LDB2: variants seen among roughly 807,000 people sequenced by gnomAD.
LDB2 encodes LIM domain binding 2.
LDB2 carries 12 observed loss-of-function variants against 44.3 expected under a neutral mutation model. The ratio of observed to expected loss-of-function variants is 0.27; its 90% CI spans 0.17 to 0.44. The LOEUF is 0.44. Among genes scored for constraint, LDB2 ranks in the 20% least tolerant of loss-of-function variants. The pLI is 1.00. For missense variants in LDB2, 344 were observed against 473.5 expected (o/e 0.73, Z 2.54); for synonymous variants, 164 against 174.8 (o/e 0.94, Z 0.49).
At chr4:16,632,441 A>G (rs1487615165) in intron 2 of LDB2, among the ~76,000 whole-genome samples, 1 of 152,200 alleles carries the variant, frequency 6.6e-6, no homozygotes, top group Non-Finnish European at 1.5e-5. Flanking sequence ...TCAAAATAAT[A>G]AGAGCTATTT....
chr4:16,551,715 C>T (rs1307184329), intron 5 of LDB2, among the ~76,000 whole-genome samples: 1 of 152,080 alleles, frequency 6.6e-6, no homozygotes, highest in African/African-American at 2.4e-5. Flanking sequence ...AGGAGTTCCA[C>T]CATGTTGGCC....
chr4:16,878,672 C>G (rs539756156), intron 1 of LDB2, among the ~76,000 whole-genome samples: 1 of 152,218 alleles, frequency 6.6e-6, no homozygotes, highest in Non-Finnish European at 1.5e-5. Context: ...TAGTCAAACA[C>G]GGTCTGACCC....
intron 1 of LDB2, among the ~76,000 whole-genome samples, chr4:16,764,048 G>C (rs999634392): frequency 6.6e-6 from 1 of 152,038 alleles, no homozygotes; most frequent in Non-Finnish European, 1.5e-5. Context: ...CTCAATAAAG[G>C]TTAGAAAGCA....
At chr4:16,676,263 G>A (rs538484829) in intron 2 of LDB2, among the ~76,000 whole-genome samples, 48 of 152,334 alleles carry the variant, frequency 3.2e-4, no homozygotes, top group African/African-American at 1.2e-3. Flanking sequence ...TTCTAACTTA[G>A]TGTTCAGGAC....
At chr4:16,519,225 G>C (rs1019677447) in intron 5 of LDB2, among the ~76,000 whole-genome samples, 1 of 151,880 alleles carries the variant, frequency 6.6e-6, no homozygotes, top group Admixed American at 6.6e-5. Flanking sequence ...TCTATCCCTG[G>C]AGTATGCACC....
intron 1 of LDB2, among the ~76,000 whole-genome samples, chr4:16,784,057 T>G (rs958567332): frequency 1.3e-5 from 2 of 152,232 alleles, no homozygotes; most frequent in Non-Finnish European, 2.9e-5. Context: ...CTGCTGCCAG[T>G]GGTTCCCTTT....
intron 2 of LDB2, among the ~76,000 whole-genome samples, chr4:16,652,681 GACC>G (rs1406945894): frequency 6.6e-6 from 1 of 152,178 alleles, no homozygotes; most frequent in Non-Finnish European, 1.5e-5. Context: ...GAAAAGAAGA[GACC>G]ACTTTAATAA....
At chr4:16,842,179 C>A (rs569018262) in intron 1 of LDB2, among the ~76,000 whole-genome samples, 8 of 152,242 alleles carry the variant, frequency 5.3e-5, no homozygotes, top group African/African-American at 1.9e-4. Context: ...TAAAGCAACC[C>A]AAGCCCGGAC....
intron 1 of LDB2, among the ~76,000 whole-genome samples, chr4:16,869,025 A>G (rs928843767): frequency 5.3e-5 from 8 of 152,102 alleles, no homozygotes; most frequent in African/African-American, 1.9e-4. Context: ...GATGATGTTG[A>G]TGATGATGAA....
At chr4:16,708,026 C>T (rs926516373) in intron 2 of LDB2, among the ~76,000 whole-genome samples, 1 of 152,110 alleles carries the variant, frequency 6.6e-6, no homozygotes, top group Admixed American at 6.6e-5. Flanking sequence ...TGGATGGCTC[C>T]GGTAACATTT....
intron 2 of LDB2, among the ~76,000 whole-genome samples, chr4:16,652,785 A>G (rs1384284776): frequency 6.6e-6 from 1 of 152,194 alleles, no homozygotes; most frequent in Non-Finnish European, 1.5e-5. Flanking sequence ...GCAGTTGATT[A>G]TATTCAGTCA....
chr4:16,716,954 A>G (rs186212813), intron 2 of LDB2, among the ~76,000 whole-genome samples: 1 of 152,256 alleles, frequency 6.6e-6, no homozygotes, highest in East Asian at 1.9e-4. Flanking sequence ...AGTTAAACAT[A>G]AAAGGGGATT....
At chr4:16,595,943 C>T (rs11729738) in intron 2 of LDB2, 68 bp from the exon 3 acceptor site, 33,386 of 1,467,226 alleles carry the variant, frequency 0.023, 460 homozygotes, top group Non-Finnish European at 0.027. Flanking sequence ...CACCCAACAC[C>T]ATTGCCAAAC....
Position 16,711,967 on chromosome 4 carries a change from A to G in LDB2, c.235+47191T>C, listed in dbSNP as rs1372821665. 3.9e-5 allele frequency among the ~76,000 whole-genome samples: 6 copies of G among 152,218 alleles called. No homozygotes were observed. In the East Asian group the frequency reaches 1.2e-3, roughly 29 times the overall value. On this transcript the variant is annotated intron_variant, in intron 2 of 7. Transcript: ENST00000304523. ...AAGTGGATCAGAAACCTAAAATAAT[A>G]GAACTTTTAGAAGATAACATAGGCC...
intron 2 of LDB2, among the ~76,000 whole-genome samples, chr4:16,706,576 T>G (rs1032858351): frequency 3.9e-5 from 6 of 152,200 alleles, no homozygotes; most frequent in African/African-American, 1.4e-4. Flanking sequence ...AGATCATGAT[T>G]CTGGGTGTTA....
chr4:16,728,340 G>A (rs930937345), intron 2 of LDB2, among the ~76,000 whole-genome samples: 1 of 152,096 alleles, frequency 6.6e-6, no homozygotes, highest in Admixed American at 6.6e-5. Context: ...CAGAAACTGT[G>A]CATTTTAATA....
At chr4:16,595,917 T>C in intron 2 of LDB2, 42 bp from the exon 3 acceptor site, 1 of 1,584,718 alleles carries the variant, frequency 6.3e-7, no homozygotes, top group Non-Finnish European at 8.6e-7. Flanking sequence ...AACAAAAATA[T>C]CCCACCAGCC....
chr4:16,663,089 A>C (rs945436908), intron 2 of LDB2, among the ~76,000 whole-genome samples: 1 of 152,076 alleles, frequency 6.6e-6, no homozygotes, highest in Admixed American at 6.6e-5. Flanking sequence ...TCTTCTAGGG[A>C]GCTCAAAGCA....
intron 1 of LDB2, among the ~76,000 whole-genome samples, chr4:16,818,242 G>T (rs1781303652): frequency 6.6e-6 from 1 of 152,168 alleles, no homozygotes; most frequent in Admixed American, 6.5e-5. Context: ...ACAAGGCTCA[G>T]TACTCCAATG....
Sources: allele counts gnomAD v4.1 joint callset (sites outside exome capture counted in the v4.1 genomes callset), GRCh38; gene constraint gnomAD v4.1.1; transcripts MANE v1.5; gene names NCBI Gene and HGNC (gene_info 2026-07-23, HGNC 2026-07-21).